The following PRKG2 variants were observed in gnomAD, a reference collection of about 807,000 sequenced individuals.
PRKG2 encodes protein kinase cGMP-dependent 2.
Under a neutral mutation model 97.2 loss-of-function variants are expected in PRKG2, and 33 were observed. That is an observed-to-expected ratio of 0.34 (90% CI 0.26 to 0.45). The LOEUF is 0.45. Among genes scored for constraint, PRKG2 ranks in the 20% least tolerant of loss-of-function variants. The pLI, the probability that PRKG2 is intolerant of heterozygous loss-of-function variation, is 1.00. For missense variants in PRKG2, 638 were observed against 900.0 expected (o/e 0.71, Z 3.73); for synonymous variants, 330 against 321.8 (o/e 1.03, Z -0.27).
At chr4:81,172,365 C>T (rs1750558245) in intron 3 of PRKG2, among the ~76,000 whole-genome samples, 1 of 152,014 alleles carries the variant, frequency 6.6e-6, no homozygotes, top group Non-Finnish European at 1.5e-5. Context: ...GTAGATCAGC[C>T]CTGGAATCAG....
At chr4:81,115,280 T>A (rs2109990591) in intron 14 of PRKG2, among the ~76,000 whole-genome samples, 1 of 152,308 alleles carries the variant, frequency 6.6e-6, no homozygotes, top group South Asian at 2.1e-4. Flanking sequence ...TAATATAAAC[T>A]TTATATTTTT....
At chr4:81,142,996 G>A (rs1169138153) in intron 10 of PRKG2, 49 bp from the exon 11 acceptor site, 1 of 1,513,786 alleles carries the variant, frequency 6.6e-7, no homozygotes, top group Admixed American at 1.9e-5. Flanking sequence ...TAATTAAGAA[G>A]GTGTCATGCC....
At chr4:81,159,143 C>G (rs1049525164) in intron 6 of PRKG2, among the ~76,000 whole-genome samples, 2 of 151,950 alleles carry the variant, frequency 1.3e-5, no homozygotes, top group Non-Finnish European at 2.9e-5. Context: ...TTCTGCATAG[C>G]AAAAGAAACT....
chr4:81,175,279 G>A (rs1750826270), intron 2 of PRKG2, among the ~76,000 whole-genome samples: 1 of 151,996 alleles, frequency 6.6e-6, no homozygotes, highest in Non-Finnish European at 1.5e-5. Flanking sequence ...TTTTTTAGAT[G>A]GAAAGCAAAT....
intron 6 of PRKG2, among the ~76,000 whole-genome samples, chr4:81,159,996 T>C (rs1480894079): frequency 1.3e-5 from 2 of 148,898 alleles, no homozygotes; most frequent in Admixed American, 1.3e-4. Context: ...CATTGGGAGA[T>C]ATACCTAATG....
chr4:81,155,039 G>A (rs1295050487), intron 6 of PRKG2, among the ~76,000 whole-genome samples: 6 of 151,004 alleles, frequency 4.0e-5, no homozygotes, highest in South Asian at 2.1e-4. Flanking sequence ...TTAGCCGGGC[G>A]TAGTGGCGGG....
chr4:81,099,300 G>A (rs1395300899), intron 17 of PRKG2, among the ~76,000 whole-genome samples: 1 of 152,110 alleles, frequency 6.6e-6, no homozygotes, highest in African/African-American at 2.4e-5. Context: ...GAACATTGAT[G>A]CAAAAATCCT....
chr4:81,188,019 A>G (rs1423224955), intron 2 of PRKG2, among the ~76,000 whole-genome samples: 1 of 152,222 alleles, frequency 6.6e-6, no homozygotes, highest in Non-Finnish European at 1.5e-5. Flanking sequence ...AAAATTGATA[A>G]ATGGGATCTC....
At chr4:81,152,220 C>A (rs1748476135) in intron 7 of PRKG2, among the ~76,000 whole-genome samples, 166 bp from the exon 8 acceptor site, 1 of 152,004 alleles carries the variant, frequency 6.6e-6, no homozygotes, top group Non-Finnish European at 1.5e-5. Flanking sequence ...TACATTCAGC[C>A]CATTTTGATG....
intron 14 of PRKG2, among the ~76,000 whole-genome samples, chr4:81,132,632 ACT>A (rs1746291196): frequency 6.6e-6 from 1 of 151,810 alleles, no homozygotes; most frequent in Non-Finnish European, 1.5e-5. Flanking sequence ...TTGAATATCT[ACT>A]CTTTGTTTCT....
At chr4:81,110,764 G>GAGAGAGAC (rs1553919021) in intron 14 of PRKG2, among the ~76,000 whole-genome samples, 153 bp from the exon 15 acceptor site, 18 of 146,322 alleles carry the variant, frequency 1.2e-4, no homozygotes, top group African/African-American at 4.6e-4. Context: ...GAGAGAGAGA[G>GAGAGAGAC]AGACAGACAG....
intron 2 of PRKG2, among the ~76,000 whole-genome samples, chr4:81,181,481 T>A (rs1023726064): frequency 3.0e-5 from 4 of 132,378 alleles, no homozygotes; most frequent in Admixed American, 7.2e-5. Flanking sequence ...CTAGAAAAAG[T>A]AAGTTGAACT....
intron 14 of PRKG2, among the ~76,000 whole-genome samples, chr4:81,121,433 C>A (rs1745058056): frequency 6.6e-6 from 1 of 152,026 alleles, no homozygotes; most frequent in South Asian, 2.1e-4. Context: ...AAGCCTGGTT[C>A]TTTGTGCTCT....
At chr4:81,165,789 C>A (rs1419028245) in intron 6 of PRKG2, among the ~76,000 whole-genome samples, 1 of 151,910 alleles carries the variant, frequency 6.6e-6, no homozygotes, top group Non-Finnish European at 1.5e-5. Flanking sequence ...GTAGCAATTG[C>A]CTGTGGCTGC....
rs575558482 is a variant in PRKG2 at position 81,110,454 on chromosome 4, G to A, written c.1934C>T (p.Thr645Met). 1.4e-5 allele frequency: 23 copies of A among 1,612,128 alleles called. No individual in the cohort carries two copies. Among genetic ancestry groups the A allele is most frequent in the South Asian group, 4.4e-5 (4 of 90,626 alleles). Residue 645 changes from threonine (T) to methionine (M), a missense_variant, in exon 15 of 19, where the codon ACG becomes ATG. Thr to Met is a moderately conservative substitution (Grantham distance 81). Coordinates refer to ENST00000264399, the MANE Select transcript of PRKG2 (RefSeq NM_006259.3). ...SLGILVYELLTGNPPFSGVDQ... is the reference protein window; with the variant it reads ...SLGILVYELLMGNPPFSGVDQ... Reference sequence around the variant, plus strand: ...AAAACTTGAAGGTACATACTTGCCCGTTAGGAGCTCATACACTAGAATTCC... The same window carrying A: ...AAAACTTGAAGGTACATACTTGCCCATTAGGAGCTCATACACTAGAATTCC...
intron 18 of PRKG2, among the ~76,000 whole-genome samples, chr4:81,090,177 G>A (rs1204348781): frequency 2.0e-5 from 3 of 152,154 alleles, no homozygotes; most frequent in African/African-American, 4.8e-5. Context: ...GGCCAATGTG[G>A]TGAAACTCCA....
intron 2 of PRKG2, among the ~76,000 whole-genome samples, chr4:81,193,778 T>G (rs568084986): frequency 6.6e-6 from 1 of 152,256 alleles, no homozygotes. Context: ...AGGCAGAGGT[T>G]GCAGTGAGCT....
upstream of PRKG2, among the ~76,000 whole-genome samples, chr4:81,217,330 C>T (rs1274040733): frequency 3.3e-5 from 5 of 152,050 alleles, no homozygotes; most frequent in African/African-American, 7.2e-5. Context: ...ACTTTCTTAC[C>T]GTTCATTGAG....
At chr4:81,169,116 T>C (rs1750241542) in intron 5 of PRKG2, among the ~76,000 whole-genome samples, 1 of 152,042 alleles carries the variant, frequency 6.6e-6, no homozygotes, top group Admixed American at 6.6e-5. Flanking sequence ...TACAGAATAG[T>C]TCACAAAATG....
Sources: gnomAD v4.1 joint callset for allele counts (sites outside exome capture counted in the v4.1 genomes callset) on GRCh38, gnomAD v4.1.1 for gene constraint, MANE v1.5 for transcripts, NCBI Gene and HGNC (gene_info 2026-07-23, HGNC 2026-07-21) for gene names.